TRPM8: variants seen among roughly 807,000 people sequenced by gnomAD.
TRPM8 encodes transient receptor potential cation channel subfamily M member 8.
A neutral mutation model predicts 133.7 loss-of-function variants in TRPM8; 110 were observed. The observed-to-expected ratio is 0.82, with a 90% CI of 0.70 to 0.96. The LOEUF is 0.96. Among genes scored for constraint, TRPM8 ranks in the 40% least tolerant of loss-of-function variants. The pLI is 0.00. For missense variants in TRPM8, 1,291 were observed against 1,379.5 expected (o/e 0.94, Z 1.02); for synonymous variants, 535 against 532.3 (o/e 1.01, Z -0.07).
chr2:233,997,093 C>T (rs191515461), intron 22 of TRPM8, among the ~76,000 whole-genome samples: 4 of 152,160 alleles, frequency 2.6e-5, no homozygotes, highest in African/African-American at 7.2e-5. Context: ...GGTGAAACCC[C>T]ATCTCTACTA....
At chr2:233,996,007 A>G (rs895254765) in intron 21 of TRPM8, among the ~76,000 whole-genome samples, 60 of 152,110 alleles carry the variant, frequency 3.9e-4, no homozygotes, top group African/African-American at 1.3e-3. Context: ...TGTATCTAAC[A>G]TCATAAGAAA....
chr2:233,947,684 T>G, intron 8 of TRPM8: 1 of 1,097,490 alleles, frequency 9.1e-7, no homozygotes, highest in Non-Finnish European at 1.2e-6. Flanking sequence ...AGCAAGAATT[T>G]GACTTCCCAG....
At chr2:233,944,367 C>A (rs566497350) in intron 6 of TRPM8, among the ~76,000 whole-genome samples, 2 of 152,102 alleles carry the variant, frequency 1.3e-5, no homozygotes, top group Non-Finnish European at 2.9e-5. Flanking sequence ...ATTATCCCCA[C>A]GGTAGATGCA....
intron 17 of TRPM8, among the ~76,000 whole-genome samples, chr2:233,971,336 CTTTT>C (rs745743879): frequency 1.3e-5 from 2 of 152,166 alleles, no homozygotes; most frequent in East Asian, 1.9e-4. Context: ...CTCTGACAGA[CTTTT>C]TTTAGTGACT....
At chr2:233,983,700 G>T (rs1374580257) in intron 20 of TRPM8, among the ~76,000 whole-genome samples, 1 of 152,144 alleles carries the variant, frequency 6.6e-6, no homozygotes, top group East Asian at 1.9e-4. Flanking sequence ...GTTTTAATTT[G>T]CCCACACCCG....
chr2:233,983,823 G>C (rs17868396), intron 20 of TRPM8, among the ~76,000 whole-genome samples: 11,637 of 152,140 alleles, frequency 0.076, 502 homozygotes, highest in East Asian at 0.16. Flanking sequence ...ACCCTACCAC[G>C]ATAAAACCAT....
chr2:233,961,634 T>C (rs949173482), intron 12 of TRPM8, among the ~76,000 whole-genome samples: 5 of 130,036 alleles, frequency 3.8e-5, no homozygotes, highest in Non-Finnish European at 6.1e-5. Flanking sequence ...TCTTTTCTTT[T>C]TTTTTTTTTT....
chr2:233,930,544 C>A, intron 2 of TRPM8, 124 bp from the exon 3 acceptor site: 2 of 631,256 alleles, frequency 3.2e-6, no homozygotes, highest in Non-Finnish European at 5.3e-6. Context: ...ATGCTGGATG[C>A]TATGAATATG....
intron 25 of TRPM8, among the ~76,000 whole-genome samples, chr2:234,015,806 A>G (rs1051317880): frequency 2.0e-5 from 3 of 152,252 alleles, no homozygotes; most frequent in African/African-American, 7.2e-5. Context: ...CAACTTTTTC[A>G]TAATCGTATT....
intron 12 of TRPM8, among the ~76,000 whole-genome samples, chr2:233,961,285 A>G (rs1037796921): frequency 1.3e-5 from 2 of 152,112 alleles, no homozygotes; most frequent in Non-Finnish European, 2.9e-5. Context: ...ATATGATACC[A>G]TATTTCAGAC....
intron 21 of TRPM8, among the ~76,000 whole-genome samples, chr2:233,988,969 G>T (rs1245351912): frequency 6.6e-6 from 1 of 152,188 alleles, no homozygotes; most frequent in Non-Finnish European, 1.5e-5. Flanking sequence ...GTGATAAGAT[G>T]TCATAGCTAC....
chr2:233,926,944 G>A (rs1418034810), intron 2 of TRPM8, among the ~76,000 whole-genome samples: 3 of 152,060 alleles, frequency 2.0e-5, no homozygotes, highest in Non-Finnish European at 4.4e-5. Context: ...CAGCTTCTAC[G>A]CTGCCTTCAG....
rs578157179 is a variant in TRPM8, at chr2:233,985,471, C to T, written c.2762-217C>T. 9.5e-4 allele frequency among the ~76,000 whole-genome samples: 141 copies of T among 147,692 alleles called. 2 individuals carry two copies. Among genetic ancestry groups the T allele is most frequent in the Non-Finnish European group, 1.5e-3 (101 of 66,578 alleles). On this transcript the variant is annotated intron_variant, in intron 20 of 25. Transcript: ENST00000324695. Reference sequence around the variant, plus strand: ...ACTTGGCCCTTCCTTTTATCTTGATCTTAACAAAGCCCCTTGTTCTTAGTA... The same window carrying T: ...ACTTGGCCCTTCCTTTTATCTTGATTTTAACAAAGCCCCTTGTTCTTAGTA...
intron 24 of TRPM8, among the ~76,000 whole-genome samples, chr2:234,010,119 A>C (rs1405008630): frequency 6.6e-6 from 1 of 152,084 alleles, no homozygotes; most frequent in African/African-American, 2.4e-5. Flanking sequence ...CTGCCCTTTG[A>C]CCAATATCAC....
chr2:233,934,733 C>A (rs576255779), intron 3 of TRPM8, among the ~76,000 whole-genome samples: 1 of 152,322 alleles, frequency 6.6e-6, no homozygotes, highest in African/African-American at 2.4e-5. Context: ...AGCAGAGCAA[C>A]TCCAGTTGAA....
At position 233,996,380 on chromosome 2, in the gene TRPM8, G is replaced by A. The variant is rs201423482; in HGVS notation, c.2994G>A (p.Arg998=). The A allele has an allele frequency of 5.1e-5, 82 of 1,614,172 alleles. No homozygotes were observed. The highest frequency in any genetic ancestry group is 6.8e-5 in the Non-Finnish European group (80 of 1,180,030). The change falls in exon 22 of 26, where the codon AGG becomes AGA. Residue 998 remains arginine, a synonymous_variant. Transcript: ENST00000324695. ...ATGACCAGGTCTGGAAGTTCCAGAG[G>A]TACTTCCTGGTGCAGGAGTACTGCA... The part of the protein sequence containing the change: ...ENNDQVWKFQ[R]YFLVQEYCSR...
intron 8 of TRPM8, chr2:233,947,459 AT>A (rs1170498804): frequency 7.3e-7 from 1 of 1,378,742 alleles, no homozygotes; most frequent in Non-Finnish European, 9.6e-7. Flanking sequence ...CGGCATATAT[AT>A]TAGAAAGCTA....
intron 24 of TRPM8, among the ~76,000 whole-genome samples, chr2:234,008,452 G>A (rs1326175493): frequency 1.3e-5 from 2 of 152,216 alleles, no homozygotes; most frequent in Admixed American, 6.5e-5. Flanking sequence ...GTGCCTTGAT[G>A]CTAGTCTTTG....
chr2:233,983,484 G>A (rs530772693), intron 20 of TRPM8: 7 of 448,840 alleles, frequency 1.6e-5, no homozygotes, highest in African/African-American at 8.0e-5. Context: ...AATTAACAAT[G>A]TGGCAATTGA....
Sources: gnomAD v4.1 joint callset for allele counts (sites outside exome capture counted in the v4.1 genomes callset) on GRCh38, gnomAD v4.1.1 for gene constraint, MANE v1.5 for transcripts, NCBI Gene and HGNC (gene_info 2026-07-23, HGNC 2026-07-21) for gene names.